The following TMTC2 variants were observed in gnomAD, a reference collection of about 807,000 sequenced individuals.
The protein encoded by TMTC2 is transmembrane O-mannosyltransferase targeting cadherins 2.
Under a neutral mutation model 82.4 loss-of-function variants are expected in TMTC2, and 43 were observed. That is an observed-to-expected ratio of 0.52 (90% CI 0.41 to 0.67). The LOEUF is 0.67. TMTC2 is among the 30% of genes least tolerant of loss of function. The pLI, the probability that TMTC2 is intolerant of heterozygous loss-of-function variation, is 0.00. For synonymous variants in TMTC2, 408 were observed against 381.9 expected (o/e 1.07, Z -0.80); for missense variants, 919 against 1,012.4 (o/e 0.91, Z 1.25).
At chr12:82,764,335 G>A (rs1244670137) in intron 1 of TMTC2, among the ~76,000 whole-genome samples, 3 of 152,170 alleles carry the variant, frequency 2.0e-5, no homozygotes, top group South Asian at 2.1e-4. Context: ...ACAGGGTCTC[G>A]CTATGTTGGC....
At chr12:82,963,995 T>A in intron 4 of TMTC2, among the ~76,000 whole-genome samples, 1 of 151,414 alleles carries the variant, frequency 6.6e-6, no homozygotes, top group East Asian at 2.0e-4. Context: ...GCTCATTAAA[T>A]AATGTATTTT....
chr12:83,033,066 A>G (rs1592706646), intron 9 of TMTC2, among the ~76,000 whole-genome samples: 1 of 152,214 alleles, frequency 6.6e-6, no homozygotes, highest in South Asian at 2.1e-4. Context: ...TAGGTATTTT[A>G]TGAAATTTTA....
chr12:82,742,378 G>A (rs763554907), intron 1 of TMTC2, among the ~76,000 whole-genome samples: 1 of 151,464 alleles, frequency 6.6e-6, no homozygotes, highest in Non-Finnish European at 1.5e-5. Flanking sequence ...AAAATGCCGT[G>A]TTGTCTACAA....
At chr12:83,096,460 G>A (rs1277758142) in intron 11 of TMTC2, among the ~76,000 whole-genome samples, 1 of 152,070 alleles carries the variant, frequency 6.6e-6, no homozygotes, top group East Asian at 1.9e-4. Context: ...CCTGAGACAG[G>A]GTAATTTATA....
chr12:82,794,595 T>C (rs1053390857), intron 1 of TMTC2, among the ~76,000 whole-genome samples: 13 of 152,160 alleles, frequency 8.5e-5, no homozygotes, highest in African/African-American at 2.7e-4. Context: ...CCACCTCTTA[T>C]AAAGGCTTCT....
intron 9 of TMTC2, among the ~76,000 whole-genome samples, chr12:83,050,333 T>A (rs1421327672): frequency 6.6e-6 from 1 of 152,154 alleles, no homozygotes. Context: ...CATTATATAA[T>A]AATTTTTGAG....
intron 3 of TMTC2, among the ~76,000 whole-genome samples, chr12:82,897,290 A>T (rs1044695244): frequency 1.3e-5 from 2 of 152,214 alleles, no homozygotes; most frequent in Non-Finnish European, 2.9e-5. Context: ...AGTTTTGATT[A>T]TACCATTCAT....
chr12:83,035,631 A>G (rs1334158622), intron 9 of TMTC2, among the ~76,000 whole-genome samples: 3 of 152,200 alleles, frequency 2.0e-5, no homozygotes, highest in African/African-American at 4.8e-5. Flanking sequence ...TTCCATGTCC[A>G]TGTGAAGCAA....
At chr12:83,055,247 A>T (rs540734065) in intron 10 of TMTC2, among the ~76,000 whole-genome samples, 1 of 152,078 alleles carries the variant, frequency 6.6e-6, no homozygotes, top group Non-Finnish European at 1.5e-5. Context: ...AAGTTAGAAG[A>T]TCAGTGAATT....
At chr12:82,741,271 C>G (rs529570024) in intron 1 of TMTC2, among the ~76,000 whole-genome samples, 1 of 152,092 alleles carries the variant, frequency 6.6e-6, no homozygotes, top group Non-Finnish European at 1.5e-5. Context: ...TTGTTAAATA[C>G]TTGACTGTTT....
At chr12:82,799,890 T>C (rs1878912276) in intron 1 of TMTC2, among the ~76,000 whole-genome samples, 1 of 152,096 alleles carries the variant, frequency 6.6e-6, no homozygotes, top group South Asian at 2.1e-4. Context: ...GCTTTCACCA[T>C]CACATGTGCC....
chr12:82,935,682 G>A (rs7975374), intron 4 of TMTC2, among the ~76,000 whole-genome samples: 128,810 of 152,104 alleles, frequency 0.85, 54,763 homozygotes, highest in East Asian at 1. Context: ...ATTCAATAGA[G>A]CATTAAATAT....
At chr12:82,846,039 C>A (rs1870651064) in intron 1 of TMTC2, among the ~76,000 whole-genome samples, 1 of 151,212 alleles carries the variant, frequency 6.6e-6, no homozygotes, top group African/African-American at 2.4e-5. Flanking sequence ...ATTTAGCCAA[C>A]ATTCTACTTC....
At chr12:82,691,076 C>G (rs1425961575) in intron 1 of TMTC2, among the ~76,000 whole-genome samples, 1 of 152,122 alleles carries the variant, frequency 6.6e-6, no homozygotes, top group Non-Finnish European at 1.5e-5. Context: ...TAGCACATAT[C>G]TTCTAATTGG....
intron 2 of TMTC2, among the ~76,000 whole-genome samples, chr12:82,885,361 T>C (rs561769167): frequency 6.6e-6 from 1 of 152,136 alleles, no homozygotes; most frequent in African/African-American, 2.4e-5. Context: ...AGTTTTTTTT[T>C]CTAATTTTCT....
intron 7 of TMTC2, among the ~76,000 whole-genome samples, chr12:82,985,696 A>T (rs910500263): frequency 6.6e-6 from 1 of 152,218 alleles, no homozygotes; most frequent in South Asian, 2.1e-4. Context: ...ACTACTTATT[A>T]AATTTTTTAC....
intron 1 of TMTC2, among the ~76,000 whole-genome samples, chr12:82,765,698 A>G (rs891750357): frequency 1.1e-4 from 16 of 146,696 alleles, no homozygotes; most frequent in Admixed American, 4.0e-4. Flanking sequence ...AAAACAAAAC[A>G]AAACAAACAA....
intron 1 of TMTC2, among the ~76,000 whole-genome samples, chr12:82,787,357 A>C (rs1040601696): frequency 6.6e-6 from 1 of 152,124 alleles, no homozygotes; most frequent in African/African-American, 2.4e-5. Flanking sequence ...GAAAGGGGAT[A>C]TTTAAGGAAT....
intron 4 of TMTC2, among the ~76,000 whole-genome samples, chr12:82,940,014 C>CTTTTTT (rs71309537): frequency 2.2e-3 from 199 of 91,228 alleles, no homozygotes; most frequent in Non-Finnish European, 3.1e-3. Flanking sequence ...TCTTTCTTTA[C>CTTTTTT]TTTTTTTTTT....
Sources: gnomAD v4.1 joint callset for allele counts (sites outside exome capture counted in the v4.1 genomes callset) on GRCh38, gnomAD v4.1.1 for gene constraint, MANE v1.5 for transcripts, NCBI Gene and HGNC (gene_info 2026-07-23, HGNC 2026-07-21) for gene names.